ANO5: variants seen among roughly 807,000 people sequenced by gnomAD.
The protein encoded by ANO5 is anoctamin-5.
ANO5 carries 109 observed loss-of-function variants against 121.0 expected under a neutral mutation model. The ratio of observed to expected loss-of-function variants is 0.90; its 90% confidence interval spans 0.77 to 1.06. The LOEUF is 1.06. ANO5 is among the 50% of genes least tolerant of loss of function. ANO5 has a pLI of 0.00. For synonymous variants in ANO5, 406 were observed against 359.9 expected, an observed-to-expected ratio of 1.13 and a Z score of -1.45; for missense variants, 1,064 against 1,078.5, an observed-to-expected ratio of 0.99 and a Z score of 0.19.
At chr11:22,213,426 A>T (rs1409648379) in intron 3 of ANO5, among the ~76,000 whole-genome samples, 1 of 150,140 alleles carries the variant, frequency 6.7e-6, no homozygotes, top group Non-Finnish European at 1.5e-5. Flanking sequence ...ATGTCCTTAA[A>T]TTGGGACTTT....
intron 7 of ANO5, among the ~76,000 whole-genome samples, chr11:22,230,606 C>T (rs1204207256): frequency 6.6e-6 from 1 of 151,920 alleles, no homozygotes; most frequent in Non-Finnish European, 1.5e-5. Flanking sequence ...GTCTGTGTGC[C>T]TATTGAAAGC....
intron 17 of ANO5, among the ~76,000 whole-genome samples, chr11:22,267,937 A>G (rs558119235): frequency 6.6e-5 from 10 of 152,116 alleles, no homozygotes; most frequent in Non-Finnish European, 1.2e-4. Context: ...AAAGAACATG[A>G]TCTTGTTCTT....
chr11:22,197,855 A>G (rs1459561512), intron 1 of ANO5, among the ~76,000 whole-genome samples: 1 of 152,202 alleles, frequency 6.6e-6, no homozygotes, highest in Non-Finnish European at 1.5e-5. Context: ...GTATAGTGCT[A>G]TCCATTCATT....
intron 18 of ANO5, among the ~76,000 whole-genome samples, chr11:22,270,896 A>C (rs184830157): frequency 1.3e-5 from 2 of 152,140 alleles, no homozygotes; most frequent in Admixed American, 6.5e-5. Flanking sequence ...TGTGTAAGGG[A>C]AATATAAGCT....
At chr11:22,213,019 G>T (rs1223624026) in intron 3 of ANO5, among the ~76,000 whole-genome samples, 1 of 151,054 alleles carries the variant, frequency 6.6e-6, no homozygotes, top group East Asian at 1.9e-4. Flanking sequence ...ACAGTAAGTT[G>T]TTAAACAGTA....
At chr11:22,236,399 A>T in intron 8 of ANO5, 123 bp downstream of exon 8, 1 of 793,398 alleles carries the variant, frequency 1.3e-6, no homozygotes, top group Non-Finnish European at 2.2e-6. Context: ...AAAATCCCCA[A>T]AGACTTCTTG....
At chr11:22,277,523 T>C (rs2133804674) in intron 21 of ANO5, among the ~76,000 whole-genome samples, 1 of 151,722 alleles carries the variant, frequency 6.6e-6, no homozygotes, top group Admixed American at 6.6e-5. Flanking sequence ...TTTATATAAA[T>C]ACAATAGTCA....
intron 3 of ANO5, among the ~76,000 whole-genome samples, chr11:22,218,016 A>C (rs1852509537): frequency 6.6e-6 from 1 of 151,764 alleles, no homozygotes; most frequent in African/African-American, 2.4e-5. Flanking sequence ...AATTTAGGAA[A>C]ATTTACTTGA....
intron 17 of ANO5, among the ~76,000 whole-genome samples, chr11:22,267,087 A>G (rs1039448810): frequency 6.6e-6 from 1 of 152,136 alleles, no homozygotes; most frequent in Non-Finnish European, 1.5e-5. Flanking sequence ...AGACATTTTC[A>G]TTATTATTTA....
intron 5 of ANO5, among the ~76,000 whole-genome samples, chr11:22,225,574 G>A (rs1852795942): frequency 1.3e-5 from 2 of 152,030 alleles, no homozygotes; most frequent in African/African-American, 4.8e-5. Flanking sequence ...TGTCCTTCAG[G>A]ATTAAAAAGT....
intron 8 of ANO5, among the ~76,000 whole-genome samples, chr11:22,236,626 T>A (rs1341109013): frequency 6.6e-6 from 1 of 152,224 alleles, no homozygotes; most frequent in Non-Finnish European, 1.5e-5. Flanking sequence ...TTTATAAAGT[T>A]TTGAAGCTGT....
chr11:22,260,410 G>A (rs1854153511), intron 15 of ANO5, among the ~76,000 whole-genome samples: 1 of 152,070 alleles, frequency 6.6e-6, no homozygotes, highest in African/African-American at 2.4e-5. Flanking sequence ...CAGGGTTCAA[G>A]CTCGTTTGAA....
At chr11:22,266,851 T>C (rs1410494152) in intron 17 of ANO5, among the ~76,000 whole-genome samples, 1 of 152,172 alleles carries the variant, frequency 6.6e-6, no homozygotes, top group Non-Finnish European at 1.5e-5. Flanking sequence ...CCTTGGACTC[T>C]ATCCACTAGA....
At chr11:22,227,940 C>T (rs1447693736) in intron 7 of ANO5, among the ~76,000 whole-genome samples, 1 of 152,040 alleles carries the variant, frequency 6.6e-6, no homozygotes, top group African/African-American at 2.4e-5. Flanking sequence ...ACAGTCAGTG[C>T]ATAGTAAAGG....
In ANO5 at chr11:22,227,285, C is replaced by A; in HGVS notation, c.364-17C>A. 1 of 1,602,646 alleles carries A rather than the reference C, an allele frequency of 6.2e-7. No homozygotes were observed. The highest frequency in any genetic ancestry group is 1.7e-5 in the Admixed American group (1 of 59,634). On this transcript the variant is annotated splice_polypyrimidine_tract_variant and intron_variant, in intron 6 of 21. Transcript: ENST00000324559. ...GATCAGTAAGCTTTCTGCTGTTTTGCCTTTTTTTTAATGCAGGACTCGGAA... is the reference window on the plus strand; with the variant it reads ...GATCAGTAAGCTTTCTGCTGTTTTGACTTTTTTTTAATGCAGGACTCGGAA...
At chr11:22,273,056 G>A in intron 19 of ANO5, 67 bp downstream of exon 19, 1 of 1,420,064 alleles carries the variant, frequency 7.0e-7, no homozygotes, top group Non-Finnish European at 9.9e-7. Context: ...AGATGTGAAT[G>A]ATGCTTAATC....
chr11:22,279,879 CTT>C lies in ANO5; in HGVS notation c.*124_*125del, dbSNP rs1564957208. On this transcript the variant is annotated 3_prime_UTR_variant, in exon 22 of 22. Coordinates refer to ENST00000324559, the MANE Select transcript of ANO5 (RefSeq NM_213599.3). ...TTTACCCTTTCTTTTTTTTTTTTTT[CTT>C]TTTTTTTTTAAACTCAAAGTTTTTA... 3.4e-4 allele frequency: 130 copies of C among 386,406 alleles called. No individual in the cohort carries two copies. Among genetic ancestry groups the C allele is most frequent in the Non-Finnish European group, 4.5e-4 (108 of 238,526 alleles). 23.9% of individuals were successfully genotyped at this position (386,406 alleles called of 1,614,324 possible).
chr11:22,274,627 A>T lies in ANO5; in HGVS notation c.2294A>T (p.Tyr765Phe), dbSNP rs1014191814. 1 of 1,612,856 alleles carries T rather than the reference A, an allele frequency of 6.2e-7. No homozygotes were observed. Among genetic ancestry groups the T allele is most frequent in the Non-Finnish European group, 8.5e-7 (1 of 1,179,520 alleles). Residue 765 changes from tyrosine (Y) to phenylalanine (F), a missense_variant, in exon 20 of 22, where the codon TAC becomes TTC. Coordinates refer to ENST00000324559, the MANE Select transcript of ANO5 (RefSeq NM_213599.3). Reference protein sequence around the residue: ...IIPRLVYYYAYSTNATQPMTG... With the variant: ...IIPRLVYYYAFSTNATQPMTG... ...CCCCGTCTAGTTTACTACTATGCTTACTCAACAAATGCCACACAGCCTATG... is the reference window on the plus strand; with the variant it reads ...CCCCGTCTAGTTTACTACTATGCTTTCTCAACAAATGCCACACAGCCTATG...
chr11:22,236,425 C>T (rs1853223296), intron 8 of ANO5, 149 bp downstream of exon 8: 1 of 685,138 alleles, frequency 1.5e-6, no homozygotes, highest in Non-Finnish European at 2.6e-6. Context: ...GAGCTGAGAG[C>T]TTTACGAGCT....
Sources: gnomAD v4.1 joint callset for allele counts (sites outside exome capture counted in the v4.1 genomes callset) on GRCh38, gnomAD v4.1.1 for gene constraint, MANE v1.5 for transcripts, NCBI Gene and HGNC (gene_info 2026-07-23, HGNC 2026-07-21) for gene names.